COQ3: variants seen among roughly 807,000 people sequenced by gnomAD.
COQ3 encodes the protein coenzyme Q3, methyltransferase.
Under a neutral mutation model 33.1 loss-of-function variants are expected in COQ3, and 29 were observed. The ratio of observed to expected loss-of-function variants is 0.88; its 90% CI spans 0.65 to 1.19. COQ3 has a LOEUF of 1.19. COQ3 is among the 50% of genes most tolerant of loss of function. COQ3 has a pLI of 0.00. For missense variants in COQ3, 437 were observed against 430.7 expected (o/e 1.01, Z -0.13); for synonymous variants, 173 against 157.8 (o/e 1.10, Z -0.72).
intron 3 of COQ3, 106 bp from the exon 4 acceptor site, chr6:99,377,591 AT>A (rs1774334155): frequency 1.7e-6 from 1 of 601,548 alleles, no homozygotes; most frequent in African/African-American, 2.2e-5. Flanking sequence ...ATTTAAATAA[AT>A]TATTCATTTT....
At chr6:99,385,615 CAGATAT>C (rs1422109154) in intron 1 of COQ3, among the ~76,000 whole-genome samples, 1 of 152,034 alleles carries the variant, frequency 6.6e-6, no homozygotes, top group Non-Finnish European at 1.5e-5. Flanking sequence ...TAAAAATCAG[CAGATAT>C]AGCTAAAGGA....
Position 99,369,590 on chromosome 6 carries a change from C to T in COQ3, c.*10G>A. ...ATCCAAGCCATATTACTATAGTTCT[C>T]AGAAACAATTCATTTCTTCAGCTTT... is the stretch of plus-strand genomic sequence containing the variant. On this transcript the variant is annotated 3_prime_UTR_variant, in exon 7 of 7. Coordinates refer to ENST00000254759, the MANE Select transcript of COQ3 (RefSeq NM_017421.4). 6.3e-7 allele frequency: 1 copy of T among 1,594,482 alleles called. No individual in the cohort carries two copies. The highest frequency in any genetic ancestry group is 8.6e-7 in the Non-Finnish European group (1 of 1,162,746).
At chr6:99,378,849 C>A (rs1774380556) in intron 3 of COQ3, among the ~76,000 whole-genome samples, 1 of 152,044 alleles carries the variant, frequency 6.6e-6, no homozygotes, top group South Asian at 2.1e-4. Context: ...TCCTTGAGGG[C>A]AAAGTCTGAG....
chr6:99,377,246 G>A (rs1774314350), intron 4 of COQ3, 140 bp downstream of exon 4: 2 of 682,868 alleles, frequency 2.9e-6, no homozygotes, highest in Middle Eastern at 2.6e-4. Context: ...CAGACCTCAG[G>A]TGATCCACCC....
intron 5 of COQ3, among the ~76,000 whole-genome samples, chr6:99,375,454 C>G (rs184301895): frequency 5.6e-4 from 84 of 150,756 alleles, no homozygotes; most frequent in Non-Finnish European, 8.9e-4. Flanking sequence ...CACGATCTCG[C>G]CTCACTGCAA....
At chr6:99,384,898 G>C (rs1304546847) in intron 1 of COQ3, among the ~76,000 whole-genome samples, 2 of 152,132 alleles carry the variant, frequency 1.3e-5, no homozygotes, top group African/African-American at 4.8e-5. Flanking sequence ...ATCACCTGAG[G>C]TCATGAGTTC....
intron 5 of COQ3, among the ~76,000 whole-genome samples, chr6:99,375,157 G>A (rs1224430669): frequency 1.3e-5 from 2 of 151,496 alleles, no homozygotes; most frequent in Admixed American, 6.6e-5. Flanking sequence ...TAGTAGAGAC[G>A]GGGTTTCTCC....
intron 1 of COQ3, among the ~76,000 whole-genome samples, chr6:99,391,408 T>C (rs1774826495): frequency 6.6e-6 from 1 of 152,110 alleles, no homozygotes; most frequent in Non-Finnish European, 1.5e-5. Flanking sequence ...TTGTTCATTT[T>C]ATTTCCCTTT....
At chr6:99,378,951 T>TC (rs1774384660) in intron 3 of COQ3, among the ~76,000 whole-genome samples, 2 of 143,484 alleles carry the variant, frequency 1.4e-5, no homozygotes, top group Non-Finnish European at 3.0e-5. Flanking sequence ...TTTCTTTCTT[T>TC]TTTTTTTTTT....
At chr6:99,392,493 C>A (rs999706202) in intron 1 of COQ3, among the ~76,000 whole-genome samples, 1 of 152,176 alleles carries the variant, frequency 6.6e-6, no homozygotes, top group Non-Finnish European at 1.5e-5. Flanking sequence ...GCCAAAAAGG[C>A]CTCTTCCTCA....
chr6:99,378,835 A>G (rs1774380324), intron 3 of COQ3, among the ~76,000 whole-genome samples: 1 of 152,152 alleles, frequency 6.6e-6, no homozygotes, highest in South Asian at 2.1e-4. Flanking sequence ...ACCAACCAGG[A>G]AGTTCCTTGA....
rs1051144064 is a variant in COQ3, at chr6:99,369,546, G to A, written c.*54C>T. On this transcript the variant is annotated 3_prime_UTR_variant, in exon 7 of 7. Coordinates refer to ENST00000254759, the MANE Select transcript of COQ3 (RefSeq NM_017421.4). The stretch of plus-strand genomic sequence containing the variant: ...CTCAAAGGATAAATTGTACATTTTT[G>A]TATTTGAAAACATCAGATATCCAAG... The A allele has an allele frequency of 2.8e-5, 30 of 1,089,550 alleles. No individual in the cohort carries two copies. The highest frequency in any genetic ancestry group is 3.8e-5 in the Non-Finnish European group (28 of 742,230). 67.5% of individuals were successfully genotyped at this position (1,089,550 alleles called of 1,614,324 possible).
intron 1 of COQ3, 85 bp downstream of exon 1, chr6:99,393,989 C>T (rs1031218261): frequency 4.3e-6 from 5 of 1,168,610 alleles, no homozygotes; most frequent in Admixed American, 3.5e-5. Flanking sequence ...CCAGAGACAA[C>T]CCACCGCCCC....
chr6:99,382,607 T>C (rs1310649991), intron 2 of COQ3, among the ~76,000 whole-genome samples: 1 of 152,126 alleles, frequency 6.6e-6, no homozygotes, highest in Non-Finnish European at 1.5e-5. Flanking sequence ...AATGATTTCA[T>C]ATAAACCCAA....
intron 1 of COQ3, among the ~76,000 whole-genome samples, chr6:99,391,912 CCAA>C (rs1774843094): frequency 6.6e-6 from 1 of 151,982 alleles, no homozygotes; most frequent in Non-Finnish European, 1.5e-5. Flanking sequence ...GGTGGGAGGA[CCAA>C]TTGAGCCAGG....
intron 3 of COQ3, among the ~76,000 whole-genome samples, chr6:99,378,127 T>C (rs1348684414): frequency 1.2e-4 from 3 of 25,164 alleles, no homozygotes; most frequent in Non-Finnish European, 4.9e-4. Flanking sequence ...TATATATATA[T>C]ATATATATAT....
At chr6:99,390,081 C>A (rs963241128) in intron 1 of COQ3, among the ~76,000 whole-genome samples, 1 of 152,196 alleles carries the variant, frequency 6.6e-6, no homozygotes, top group East Asian at 1.9e-4. Flanking sequence ...CCACCGCACT[C>A]CAGCCTGGGC....
At chr6:99,390,281 T>C (rs1774785779) in intron 1 of COQ3, among the ~76,000 whole-genome samples, 1 of 152,054 alleles carries the variant, frequency 6.6e-6, no homozygotes, top group African/African-American at 2.4e-5. Flanking sequence ...ATCGGTAATC[T>C]ATGAGAGTGT....
intron 1 of COQ3, among the ~76,000 whole-genome samples, chr6:99,389,167 A>G (rs1408059554): frequency 6.6e-6 from 1 of 152,008 alleles, no homozygotes; most frequent in Non-Finnish European, 1.5e-5. Flanking sequence ...CTGTCGCCCA[A>G]ATTGGACTGC....
Sources: allele counts gnomAD v4.1 joint callset (sites outside exome capture counted in the v4.1 genomes callset), GRCh38; gene constraint gnomAD v4.1.1; transcripts MANE v1.5; gene names NCBI Gene and HGNC (gene_info 2026-07-23, HGNC 2026-07-21).